DYNC2H1: variants seen among roughly 807,000 people sequenced by gnomAD.
The protein encoded by DYNC2H1 is cytoplasmic dynein 2 heavy chain 1.
A neutral mutation model predicts 570.0 loss-of-function variants in DYNC2H1; 410 were observed. That is an observed-to-expected ratio of 0.72 (90% CI 0.66 to 0.78). DYNC2H1 has a LOEUF of 0.78. DYNC2H1 is among the 30% of genes least tolerant of loss of function. The pLI, the probability that DYNC2H1 is intolerant of heterozygous loss-of-function variation, is 0.00. For missense variants in DYNC2H1, 4,865 were observed against 5,046.4 expected (o/e 0.96, Z 1.09); for synonymous variants, 1,688 against 1,677.6 (o/e 1.01, Z -0.15).
intron 26 of DYNC2H1, 138 bp downstream of exon 26, chr11:103,156,908 C>G (rs868847478): frequency 9.1e-7 from 1 of 1,094,498 alleles, no homozygotes; most frequent in African/African-American, 1.6e-5. Flanking sequence ...CTAGTGGATC[C>G]TTTTGAGAAG....
intron 79 of DYNC2H1, among the ~76,000 whole-genome samples, chr11:103,314,929 A>G (rs1185096284): frequency 1.3e-5 from 2 of 152,102 alleles, no homozygotes; most frequent in Admixed American, 6.6e-5. Flanking sequence ...TAACAGAATG[A>G]TATAAGAAAT....
intron 11 of DYNC2H1, among the ~76,000 whole-genome samples, chr11:103,123,328 A>G (rs1052382738): frequency 1.8e-4 from 27 of 152,112 alleles, no homozygotes; most frequent in African/African-American, 6.3e-4. Flanking sequence ...ACACACACAC[A>G]TACACTTTAA....
At chr11:103,217,398 G>A (rs1490836160) in intron 55 of DYNC2H1, among the ~76,000 whole-genome samples, 1 of 152,134 alleles carries the variant, frequency 6.6e-6, no homozygotes. Flanking sequence ...TAATCATAAG[G>A]CAATCTGATA....
chr11:103,307,971 T>G (rs748690439), intron 78 of DYNC2H1, 140 bp downstream of exon 78: 1 of 424,770 alleles, frequency 2.4e-6, no homozygotes, highest in African/African-American at 2.0e-5. Flanking sequence ...GATAATAGCA[T>G]AAGATGATGT....
At chr11:103,370,183 C>T (rs1941089155) in intron 83 of DYNC2H1, among the ~76,000 whole-genome samples, 1 of 152,216 alleles carries the variant, frequency 6.6e-6, no homozygotes, top group Non-Finnish European at 1.5e-5. Context: ...GTTTTAGAGG[C>T]TCCTTATGAG....
chr11:103,466,850 C>T (rs1945209394), intron 87 of DYNC2H1, among the ~76,000 whole-genome samples: 1 of 151,902 alleles, frequency 6.6e-6, no homozygotes, highest in South Asian at 2.1e-4. Flanking sequence ...AATAATTTGT[C>T]AATATTAGGT....
chr11:103,331,569 G>C (rs144428782), intron 82 of DYNC2H1, among the ~76,000 whole-genome samples: 1,974 of 152,224 alleles, frequency 0.013, 46 homozygotes, highest in African/African-American at 0.045. Context: ...ATATGCATTT[G>C]TAAGCTTTAA....
intron 83 of DYNC2H1, among the ~76,000 whole-genome samples, chr11:103,377,612 T>A (rs1010189309): frequency 3.3e-5 from 5 of 152,182 alleles, no homozygotes; most frequent in African/African-American, 1.2e-4. Flanking sequence ...ATGAAACTAA[T>A]CTTTTACATT....
intron 84 of DYNC2H1, among the ~76,000 whole-genome samples, chr11:103,416,188 A>G (rs1429294027): frequency 6.6e-6 from 1 of 152,190 alleles, no homozygotes; most frequent in Non-Finnish European, 1.5e-5. Flanking sequence ...ATTAGGAGAA[A>G]TACCCAGTGT....
chr11:103,134,537 A>G lies in DYNC2H1; in HGVS notation c.2205+118A>G, dbSNP rs1859441396. On this transcript the variant is annotated intron_variant, in intron 15 of 88. Coordinates refer to ENST00000375735, the MANE Select transcript of DYNC2H1 (RefSeq NM_001377.3). ...TTATCTTTAAATCTTACTAATAAATACCTAATATATTTATAATTTTTGACT... is the reference window on the plus strand; with the variant it reads ...TTATCTTTAAATCTTACTAATAAATGCCTAATATATTTATAATTTTTGACT... The G allele has an allele frequency of 7.2e-6, 4 of 558,664 alleles. No homozygotes were observed. In the South Asian group the frequency reaches 2.1e-4, roughly 30 times the overall value. 34.6% of individuals were successfully genotyped at this position (558,664 alleles called of 1,614,324 possible).
intron 77 of DYNC2H1, among the ~76,000 whole-genome samples, chr11:103,306,584 A>T (rs1281971756): frequency 6.6e-6 from 1 of 152,108 alleles, no homozygotes; most frequent in African/African-American, 2.4e-5. Context: ...TTTACATTTT[A>T]AAGTTATGAG....
intron 83 of DYNC2H1, among the ~76,000 whole-genome samples, chr11:103,378,169 T>G (rs1452494824): frequency 6.6e-6 from 1 of 152,234 alleles, no homozygotes; most frequent in Admixed American, 6.5e-5. Flanking sequence ...TTATTAATAT[T>G]AAGAATTGTA....
At chr11:103,406,077 T>C (rs914622269) in intron 84 of DYNC2H1, 3 of 152,068 alleles carry the variant, frequency 2.0e-5, no homozygotes, top group Non-Finnish European at 4.4e-5. Context: ...TAGCAAGGGC[T>C]TAGGTTAATT....
At position 103,194,386 on chromosome 11, in the gene DYNC2H1, A is replaced by G. The variant is rs546383593; in HGVS notation, c.7708+2122A>G. ...ATGAAGCTGCTATGAATACTCTTGT[A>G]CAGGTTTTTGTGTGAACATACATTT... On this transcript the variant is annotated intron_variant, in intron 47 of 88. Transcript: ENST00000375735. 5.9e-5 allele frequency among the ~76,000 whole-genome samples: 9 copies of G among 152,252 alleles called. No individual in the cohort carries two copies. The South Asian group carries it at 1.9e-3, about 32-fold the overall frequency.
At chr11:103,372,449 T>C (rs1941208577) in intron 83 of DYNC2H1, among the ~76,000 whole-genome samples, 3 of 152,238 alleles carry the variant, frequency 2.0e-5, no homozygotes, top group South Asian at 2.1e-4. Flanking sequence ...GGAAGAGATG[T>C]TGAATTTTGT....
intron 75 of DYNC2H1, among the ~76,000 whole-genome samples, chr11:103,288,369 T>C (rs1866435554): frequency 6.6e-6 from 1 of 152,158 alleles, no homozygotes; most frequent in Admixed American, 6.5e-5. Flanking sequence ...TCCATCTTGC[T>C]TCTAACCTAT....
intron 86 of DYNC2H1, among the ~76,000 whole-genome samples, chr11:103,455,722 C>T (rs313874): frequency 0.54 from 81,380 of 151,892 alleles, 22,509 homozygotes; most frequent in African/African-American, 0.68. Context: ...TTTTTATCTT[C>T]GCAGAAAATT....
At chr11:103,315,420 C>A (rs1937768371) in intron 79 of DYNC2H1, among the ~76,000 whole-genome samples, 1 of 151,996 alleles carries the variant, frequency 6.6e-6, no homozygotes. Flanking sequence ...TATTCCTTCC[C>A]AAACCTTGTA....
intron 13 of DYNC2H1, among the ~76,000 whole-genome samples, chr11:103,130,952 T>A (rs1859237268): frequency 6.6e-6 from 1 of 152,192 alleles, no homozygotes; most frequent in Admixed American, 6.5e-5. Context: ...AATCAGACTG[T>A]AATTTATTTA....
Sources: gnomAD v4.1 joint callset for allele counts (sites outside exome capture counted in the v4.1 genomes callset) on GRCh38, gnomAD v4.1.1 for gene constraint, MANE v1.5 for transcripts, NCBI Gene and HGNC (gene_info 2026-07-23, HGNC 2026-07-21) for gene names.